CTNNA3: variants seen among roughly 807,000 people sequenced by gnomAD.
CTNNA3 encodes catenin alpha-3.
CTNNA3 carries 76 observed loss-of-function variants against 95.7 expected under a neutral mutation model. The ratio of observed to expected loss-of-function variants is 0.79; its 90% CI spans 0.66 to 0.96. The LOEUF is 0.96. Ranked by LOEUF, CTNNA3 falls within the 40% of genes least tolerant of loss-of-function variation. CTNNA3 has a pLI of 0.00. For missense variants in CTNNA3, 1,191 were observed against 1,089.8 expected (o/e 1.09, Z -1.31); for synonymous variants, 431 against 374.4 (o/e 1.15, Z -1.74).
At chr10:66,032,760 T>C (rs1414606199) in intron 15 of CTNNA3, among the ~76,000 whole-genome samples, 1 of 152,194 alleles carries the variant, frequency 6.6e-6, no homozygotes, top group East Asian at 1.9e-4. Flanking sequence ...TTTCATGAAA[T>C]ATAAACATGA....
At chr10:66,016,827 A>G (rs1005406798) in intron 15 of CTNNA3, among the ~76,000 whole-genome samples, 1 of 152,204 alleles carries the variant, frequency 6.6e-6, no homozygotes, top group African/African-American at 2.4e-5. Context: ...CATTAAAATC[A>G]TCATAGATTT....
At chr10:66,190,128 T>G (rs1435460772) in intron 13 of CTNNA3, among the ~76,000 whole-genome samples, 4 of 152,148 alleles carry the variant, frequency 2.6e-5, no homozygotes, top group Non-Finnish European at 5.9e-5. Context: ...CACATTGTAA[T>G]CAAACTGTTG....
intron 15 of CTNNA3, among the ~76,000 whole-genome samples, chr10:66,006,280 T>C (rs2078882364): frequency 1.3e-5 from 2 of 152,110 alleles, no homozygotes; most frequent in Admixed American, 1.3e-4. Context: ...CCCAAAGTGC[T>C]GGGATTACAG....
intron 5 of CTNNA3, among the ~76,000 whole-genome samples, chr10:67,300,627 A>T (rs919935140): frequency 6.6e-6 from 1 of 152,314 alleles, no homozygotes; most frequent in East Asian, 1.9e-4. Context: ...TTCAGGCTTC[A>T]ATTAATATAT....
intron 5 of CTNNA3, among the ~76,000 whole-genome samples, chr10:67,356,780 G>GCTCC (rs1842825287): frequency 6.6e-6 from 1 of 151,960 alleles, no homozygotes; most frequent in Non-Finnish European, 1.5e-5. Context: ...ATTACAATCA[G>GCTCC]CTCCCTGGTG....
Position 67,753,660 on chromosome 10 carries a change from T to C in CTNNA3, c.-2+9774A>G, listed in dbSNP as rs1334875220. Among the ~76,000 whole-genome samples, 6 of 152,046 alleles carry C rather than the reference T, an allele frequency of 3.9e-5. 1 individual carries two copies. Among genetic ancestry groups the C allele is most frequent in the Admixed American group, 2.0e-4 (3 of 15,274 alleles). Reference sequence around the variant, plus strand: ...CCCATCAAAAAGTAGGCAAAGGACGTGAACAGACACTTCTCAAAAGAAGAC... The same window carrying C: ...CCCATCAAAAAGTAGGCAAAGGACGCGAACAGACACTTCTCAAAAGAAGAC... On this transcript the variant is annotated intron_variant, in intron 1 of 17. Coordinates refer to the CTNNA3 transcript ENST00000684154.
chr10:65,948,077 A>G (rs2077547427), intron 17 of CTNNA3, among the ~76,000 whole-genome samples: 1 of 152,172 alleles, frequency 6.6e-6, no homozygotes, highest in Non-Finnish European at 1.5e-5. Flanking sequence ...GGAGATCGAG[A>G]TCATCCTGGC....
intron 5 of CTNNA3, among the ~76,000 whole-genome samples, chr10:67,504,517 G>T (rs1317599000): frequency 7.1e-6 from 1 of 141,294 alleles, no homozygotes; most frequent in Non-Finnish European, 1.5e-5. Context: ...GAGTAACAAA[G>T]ATGTCAAGAC....
intron 9 of CTNNA3, among the ~76,000 whole-genome samples, chr10:66,725,432 C>T (rs1045142534): frequency 2.6e-5 from 4 of 152,032 alleles, no homozygotes; most frequent in Admixed American, 2.0e-4. Context: ...AGGGGTTTAC[C>T]TTTAAGCAGA....
intron 17 of CTNNA3, among the ~76,000 whole-genome samples, chr10:65,931,691 T>C (rs1202593811): frequency 1.3e-5 from 2 of 152,184 alleles, no homozygotes; most frequent in Non-Finnish European, 2.9e-5. Context: ...TGTTCCTGAA[T>C]TTAGTCTCTC....
At chr10:66,179,146 G>T (rs2085898193) in intron 13 of CTNNA3, among the ~76,000 whole-genome samples, 1 of 151,936 alleles carries the variant, frequency 6.6e-6, no homozygotes, top group African/African-American at 2.4e-5. Flanking sequence ...CAAACTGGAA[G>T]ACATCCTGAT....
At chr10:67,333,226 A>G (rs1841865096) in intron 5 of CTNNA3, among the ~76,000 whole-genome samples, 1 of 152,170 alleles carries the variant, frequency 6.6e-6, no homozygotes, top group Non-Finnish European at 1.5e-5. Flanking sequence ...CTAGGTCATC[A>G]TAAGCTTCTG....
At chr10:67,698,848 CA>C (rs60228246), upstream of CTNNA3, among the ~76,000 whole-genome samples, 517 of 143,258 alleles carry the variant, frequency 3.6e-3, 1 homozygote, top group Middle Eastern at 7.1e-3. Context: ...ACTATTAATA[CA>C]AAAAAAAAAA....
chr10:66,636,516 C>A (rs551305917), intron 9 of CTNNA3, among the ~76,000 whole-genome samples: 1 of 152,072 alleles, frequency 6.6e-6, no homozygotes, highest in South Asian at 2.1e-4. Context: ...TTAGAGCAAA[C>A]CAACATATGA....
intron 11 of CTNNA3, among the ~76,000 whole-genome samples, chr10:66,386,716 C>T (rs2092895833): frequency 6.6e-6 from 1 of 151,644 alleles, no homozygotes; most frequent in African/African-American, 2.4e-5. Context: ...GCTACAGTAA[C>T]CAAAACAGCA....
chr10:66,067,033 G>A (rs1355860442), intron 15 of CTNNA3, among the ~76,000 whole-genome samples: 2 of 151,938 alleles, frequency 1.3e-5, no homozygotes, highest in Non-Finnish European at 2.9e-5. Flanking sequence ...GGACTTAGAA[G>A]CAGCTTCAGA....
chr10:66,942,622 GTC>G (rs1344040248), intron 7 of CTNNA3, among the ~76,000 whole-genome samples: 3 of 151,414 alleles, frequency 2.0e-5, no homozygotes, highest in Admixed American at 1.3e-4. Context: ...GTGTGCATGT[GTC>G]TCTCTCTTTC....
At chr10:66,077,060 T>C (rs77216856) in intron 14 of CTNNA3, among the ~76,000 whole-genome samples, 2 of 151,842 alleles carry the variant, frequency 1.3e-5, no homozygotes, top group East Asian at 1.9e-4. Context: ...TAAGGAAAAT[T>C]AAGAAGTGAT....
chr10:66,552,606 A>G (rs1842254179), intron 10 of CTNNA3, among the ~76,000 whole-genome samples: 1 of 152,074 alleles, frequency 6.6e-6, no homozygotes, highest in Non-Finnish European at 1.5e-5. Context: ...CCAAAACTAA[A>G]ACTGCTATTT....
Sources: allele counts gnomAD v4.1 joint callset (sites outside exome capture counted in the v4.1 genomes callset), GRCh38; gene constraint gnomAD v4.1.1; transcripts MANE v1.5; gene names NCBI Gene and HGNC (gene_info 2026-07-23, HGNC 2026-07-21).